Variants in GALNT15 observed in about 807,000 individuals in gnomAD.
The protein encoded by GALNT15 is polypeptide N-acetylgalactosaminyltransferase 15.
A neutral mutation model predicts 66.8 loss-of-function variants in GALNT15; 67 were observed. That is an observed-to-expected ratio of 1.00 (90% CI 0.82 to 1.23). The LOEUF (loss-of-function observed/expected upper bound fraction) is 1.23, where lower values mean the gene tolerates loss of function less well. GALNT15 is among the 50% of genes most tolerant of loss of function. The pLI, the probability that GALNT15 is intolerant of heterozygous loss-of-function variation, is 0.00. For synonymous variants in GALNT15, 313 were observed against 311.5 expected, an observed-to-expected ratio of 1.00 and a Z score of -0.05; for missense variants, 827 against 804.3, an observed-to-expected ratio of 1.03 and a Z score of -0.34.
At position 16,181,773 on chromosome 3, in the gene GALNT15, C is replaced by A. The variant is rs530577303; in HGVS notation, c.539+6083C>A. The stretch of plus-strand genomic sequence containing the variant: ...GGCTGGAACTTAGCTCAATTCCCCC[C>A]ACAAGAGAGGGAAGACAACCCAGTA... On this transcript the variant is annotated intron_variant, in intron 1 of 9. Transcript: ENST00000339732. The surrounding 1 kb of genome is among the most constrained non-coding windows in gnomAD (Gnocchi z 5.9). Among the ~76,000 whole-genome samples, 1 of 152,144 alleles carries A rather than the reference C, an allele frequency of 6.6e-6. No individual in the cohort carries two copies. The highest frequency in any genetic ancestry group is 2.4e-5 in the African/African-American group (1 of 41,436).
chr3:16,201,517 C>A (rs73051156), intron 3 of GALNT15, among the ~76,000 whole-genome samples: 9,621 of 152,086 alleles, frequency 0.063, 409 homozygotes, highest in Non-Finnish European at 0.099. Context: ...TGTAACATAA[C>A]CTGGGGAAAA....
chr3:16,181,703 C>T lies in GALNT15; in HGVS notation c.539+6013C>T, dbSNP rs187755167. 5.9e-5 allele frequency among the ~76,000 whole-genome samples: 9 copies of T among 152,256 alleles called. No homozygotes were observed. The East Asian group carries it at 1.5e-3, about 26-fold the overall frequency. Reference sequence around the variant, plus strand: ...AATCCAAGAGAGCAGACATGCCCTTCGGGATGAGGGACAAGAACAGGAACA... The same window carrying T: ...AATCCAAGAGAGCAGACATGCCCTTTGGGATGAGGGACAAGAACAGGAACA... On this transcript the variant is annotated intron_variant, in intron 1 of 9. Coordinates refer to ENST00000339732, the MANE Select transcript of GALNT15 (RefSeq NM_054110.5). The surrounding 1 kb of genome is among the most constrained non-coding windows in gnomAD (Gnocchi z 5.9).
Position 16,211,109 on chromosome 3 carries a change from G to A in GALNT15, c.1080-15G>A. 1.3e-6 allele frequency: 2 copies of A among 1,591,852 alleles called. No individual in the cohort carries two copies. The highest frequency in any genetic ancestry group is 8.6e-7 in the Non-Finnish European group (1 of 1,160,132). On this transcript the variant is annotated splice_polypyrimidine_tract_variant and intron_variant, in intron 4 of 9. Coordinates refer to ENST00000339732, the MANE Select transcript of GALNT15 (RefSeq NM_054110.5). This position sits in a 1 kb window ranked among gnomAD's most constrained non-coding sequence, Gnocchi z 4.3. ...GGTTCTGAACTGCAGTGTCCTGCCT[G>A]TCTTCTGTGTCCAGGAGCCCTGTGG...
downstream of GALNT15, chr3:16,231,854 AGATTGT>A (rs1278813567): frequency 1.3e-6 from 2 of 1,536,348 alleles, no homozygotes; most frequent in African/African-American, 1.4e-5. The surrounding 1 kb of genome is among the most constrained non-coding windows in gnomAD (Gnocchi z 4.1). Flanking sequence ...ACTTTTCAGC[AGATTGT>A]GAACAATGGG....
chr3:16,225,103 G>A lies in GALNT15; in HGVS notation c.1774-2251G>A, dbSNP rs842278. On this transcript the variant is annotated intron_variant, in intron 9 of 9. Coordinates refer to ENST00000339732, the MANE Select transcript of GALNT15 (RefSeq NM_054110.5). The surrounding 1 kb of genome is among the most constrained non-coding windows in gnomAD (Gnocchi z 4.4). ...TTACTTATGGCAGAAGATGAAGTGG[G>A]AGCAGGCATATCACATGGTGAAAGC... is the stretch of plus-strand genomic sequence containing the variant. 0.016 allele frequency among the ~76,000 whole-genome samples: 2,490 copies of A among 152,234 alleles called. 39 individuals are homozygous for A. Among genetic ancestry groups the A allele is most frequent in the South Asian group, 0.06 (287 of 4,816 alleles).
At chr3:16,218,368 T>C (rs1428566278) in intron 6 of GALNT15, among the ~76,000 whole-genome samples, 1 of 152,208 alleles carries the variant, frequency 6.6e-6, no homozygotes, top group African/African-American at 2.4e-5. Flanking sequence ...TTTTTTTGTC[T>C]GTGGTCATTC....
At position 16,228,297 on chromosome 3, in the gene GALNT15, G is replaced by A; in HGVS notation, c.*797G>A. ...GATTTCTCTTTAGTCGTTGGTGTTA[G>A]AAGTACCAGCACAATTTGAGCATTC... On this transcript the variant is annotated 3_prime_UTR_variant, in exon 10 of 10. Coordinates refer to ENST00000339732, the MANE Select transcript of GALNT15 (RefSeq NM_054110.5). 1 of 985,820 alleles carries A rather than the reference G, an allele frequency of 1.0e-6. No homozygotes were observed. The highest frequency in any genetic ancestry group is 1.2e-6 in the Non-Finnish European group (1 of 829,964). 61.1% of individuals were successfully genotyped at this position (985,820 alleles called of 1,614,324 possible). A position where few individuals can be genotyped will look rare whatever the true frequency, so the allele number is the denominator to read the frequency against.
At chr3:16,217,306 GA>G (rs1277279939) in intron 6 of GALNT15, among the ~76,000 whole-genome samples, 4 of 152,168 alleles carry the variant, frequency 2.6e-5, no homozygotes, top group African/African-American at 7.2e-5. Context: ...TTCATTTGAT[GA>G]CTTTTGCAAG....
chr3:16,197,560 G>C (rs1342237229), intron 2 of GALNT15, among the ~76,000 whole-genome samples: 1 of 152,174 alleles, frequency 6.6e-6, no homozygotes, highest in Non-Finnish European at 1.5e-5. Context: ...CTACCTGTGA[G>C]GAAAACTGAG....
intron 3 of GALNT15, among the ~76,000 whole-genome samples, chr3:16,201,212 C>G (rs896348721): frequency 6.6e-6 from 1 of 151,572 alleles, no homozygotes; most frequent in South Asian, 2.1e-4. Context: ...GATGGCGTCT[C>G]GCTCTGTCAC....
rs2063462564 is a variant in GALNT15, at chr3:16,180,830, T to A, written c.539+5140T>A. On this transcript the variant is annotated intron_variant, in intron 1 of 9. Coordinates refer to ENST00000339732, the MANE Select transcript of GALNT15 (RefSeq NM_054110.5). This position sits in a 1 kb window ranked among gnomAD's most constrained non-coding sequence, Gnocchi z 5.0. ...TTTAACTTGCCTTTATGGTTCAGCC[T>A]GTGTTTCCCTGGTTTATGTACCCAT... Among the ~76,000 whole-genome samples, 1 of 152,240 alleles carries A rather than the reference T, an allele frequency of 6.6e-6. No homozygotes were observed. The highest frequency in any genetic ancestry group is 2.1e-4 in the South Asian group (1 of 4,832).
rs1316242059 is a variant in GALNT15, at chr3:16,203,926, G to C, written c.911+3103G>C. On this transcript the variant is annotated intron_variant, in intron 3 of 9. Coordinates refer to ENST00000339732, the MANE Select transcript of GALNT15 (RefSeq NM_054110.5). The surrounding 1 kb of genome is among the most constrained non-coding windows in gnomAD (Gnocchi z 6.2). ...CAAAGCCAAGCTGTGGAAGGCATTT[G>C]GTGCAGCTCCTCACATGGAGAGGAG... Among the ~76,000 whole-genome samples, 1 of 152,064 alleles carries C rather than the reference G, an allele frequency of 6.6e-6. No homozygotes were observed. Among genetic ancestry groups the C allele is most frequent in the Non-Finnish European group, 1.5e-5 (1 of 68,014 alleles).
At chr3:16,196,005 GT>G in intron 2 of GALNT15, 79 bp downstream of exon 2, 1 of 1,450,188 alleles carries the variant, frequency 6.9e-7, no homozygotes, top group Non-Finnish European at 9.5e-7. Context: ...AAAGATTGAA[GT>G]TTGGAACTAT....
At position 16,212,790 on chromosome 3, in the gene GALNT15, T is replaced by G. The variant is rs755968785; in HGVS notation, c.1392+27T>G. On this transcript the variant is annotated intron_variant, in intron 6 of 9. Transcript: ENST00000339732. ...TAAGGAGAGAGCCAAGTGGGGCTTC[T>G]GTGTCCAGCACAGGGCCACTAGCAG... The G allele has an allele frequency of 6.9e-6, 11 of 1,602,592 alleles. No homozygotes were observed. The East Asian group carries it at 2.5e-4, about 36-fold the overall frequency.
Position 16,212,622 on chromosome 3 carries a change from C to A in GALNT15, c.1251C>A (p.His417Gln), listed in dbSNP as rs185944497. The A allele has an allele frequency of 9.2e-5, 148 of 1,614,048 alleles. 1 individual carries two copies. In the East Asian group the frequency reaches 2.8e-3, roughly 30 times the overall value. Residue 417 changes from histidine to glutamine, a missense_variant, in exon 6 of 10, where the codon CAC becomes CAA. Transcript: ENST00000339732. ...VEILPCSRVG[H>Q]IYQNQDSHSP... The stretch of plus-strand genomic sequence containing the variant: ...TCCTTCCCTGCTCTCGGGTAGGACA[C>A]ATCTACCAAAATCAGGATTCCCATT...
intron 3 of GALNT15, among the ~76,000 whole-genome samples, chr3:16,207,753 C>A (rs1327993950): frequency 6.6e-6 from 1 of 152,084 alleles, no homozygotes; most frequent in Non-Finnish European, 1.5e-5. Context: ...TCCATAAACT[C>A]TCTGACATCG....
chr3:16,208,822 T>A, intron 4 of GALNT15, 152 bp downstream of exon 4: 1 of 712,258 alleles, frequency 1.4e-6, no homozygotes, highest in Non-Finnish European at 2.3e-6. Context: ...AGAGCAATCA[T>A]AGTATTTACC....
In GALNT15 at chr3:16,228,982, G is replaced by GT. The variant is rs1219261194; in HGVS notation, c.*1483dup. The GT allele has an allele frequency of 2.0e-6, 2 of 985,346 alleles. No homozygotes were observed. The highest frequency in any genetic ancestry group is 3.5e-5 in the African/African-American group (2 of 57,242). The allele number at this position is 985,346 out of a possible 1,614,324, so 61.0% of individuals were successfully genotyped here. The stretch of plus-strand genomic sequence containing the variant: ...ATGACTTGGCTTACCTGAATTAGCT[G>GT]TAAGAGTTGCCGAATGGGATGGGTT... On this transcript the variant is annotated 3_prime_UTR_variant, in exon 10 of 10. Coordinates refer to ENST00000339732, the MANE Select transcript of GALNT15 (RefSeq NM_054110.5).
chr3:16,234,084 G>T (rs2064111244), downstream of GALNT15, among the ~76,000 whole-genome samples: 1 of 152,184 alleles, frequency 6.6e-6, no homozygotes, highest in Non-Finnish European at 1.5e-5. Flanking sequence ...GAAATTAGGT[G>T]ATTGGAAAAC....
Sources: allele counts gnomAD v4.1 joint callset (sites outside exome capture counted in the v4.1 genomes callset), GRCh38; gene constraint gnomAD v4.1.1; non-coding constraint Gnocchi (gnomAD v3.1); transcripts MANE v1.5; gene names NCBI Gene and HGNC (gene_info 2026-07-23, HGNC 2026-07-21).